Variants in FRRS1 observed in about 807,000 individuals in gnomAD.
FRRS1 encodes the protein ferric chelate reductase 1.
In FRRS1, 51 loss-of-function variants were observed where a neutral mutation model predicts 70.7. The observed-to-expected ratio is 0.72, with a 90% CI of 0.58 to 0.91. The LOEUF is 0.91. FRRS1 is among the 40% of genes least tolerant of loss of function. FRRS1 has a pLI of 0.00. For missense variants in FRRS1, 672 were observed against 726.0 expected (o/e 0.93, Z 0.86); for synonymous variants, 225 against 238.7 (o/e 0.94, Z 0.53).
intron 1 of FRRS1, among the ~76,000 whole-genome samples, chr1:99,760,172 G>A (rs1439238690): frequency 6.6e-6 from 1 of 152,242 alleles, no homozygotes; most frequent in Non-Finnish European, 1.5e-5. Flanking sequence ...ACAGCAAGTT[G>A]TCAGTAAGTG....
chr1:99,719,407 CAAAAAAAAAAA>C, intron 10 of FRRS1, 116 bp downstream of exon 10: 2 of 388,432 alleles, frequency 5.1e-6, no homozygotes, highest in Non-Finnish European at 8.7e-6. Context: ...GACTCCATCT[CAAAAAAAAAAA>C]AAAAAAAAAT....
intron 3 of FRRS1, 180 bp downstream of exon 3, chr1:99,748,393 G>A (rs1571146148): frequency 3.9e-6 from 2 of 519,406 alleles, no homozygotes; most frequent in Non-Finnish European, 6.7e-6. Flanking sequence ...TGTTCTGGAT[G>A]GGGAATACAC....
intron 1 of FRRS1, among the ~76,000 whole-genome samples, chr1:99,757,727 C>T (rs987734850): frequency 5.9e-5 from 9 of 151,964 alleles, no homozygotes; most frequent in Admixed American, 2.6e-4. Context: ...ATATTGTTTT[C>T]ATTTTATTTT....
In FRRS1 at chr1:99,707,553, G is replaced by T. The variant is rs1039802210; in HGVS notation, c.*1475C>A. The stretch of plus-strand genomic sequence containing the variant: ...AAACAAATAAACTGGAAAATAAACA[G>T]CGGTTACTAATTTAAGGTTTTAACC... On this transcript the variant is annotated 3_prime_UTR_variant, in exon 17 of 17. Coordinates refer to ENST00000646001, the MANE Select transcript of FRRS1 (RefSeq NM_001361041.2). Among the ~76,000 whole-genome samples, 5 of 152,106 alleles carry T rather than the reference G, an allele frequency of 3.3e-5. No individual in the cohort carries two copies. The highest frequency in any genetic ancestry group is 6.5e-5 in the Admixed American group (1 of 15,268).
chr1:99,757,745 G>T (rs1376436883), intron 1 of FRRS1, among the ~76,000 whole-genome samples: 2 of 151,942 alleles, frequency 1.3e-5, no homozygotes, highest in Non-Finnish European at 2.9e-5. Context: ...TTTATTATGA[G>T]AATTACAATG....
intron 1 of FRRS1, among the ~76,000 whole-genome samples, chr1:99,757,125 T>G (rs942185354): frequency 8.5e-5 from 13 of 152,058 alleles, no homozygotes; most frequent in Non-Finnish European, 1.5e-5. Flanking sequence ...TTTCGTTTAC[T>G]ACATCCAAAG....
At chr1:99,712,083 A>G in intron 14 of FRRS1, 22 bp downstream of exon 14, 4 of 1,533,468 alleles carry the variant, frequency 2.6e-6, no homozygotes, top group Non-Finnish European at 2.7e-6. Flanking sequence ...ATATATGAAT[A>G]AGTGGCATCA....
rs1487066126 is a variant in FRRS1 at position 99,705,655 on chromosome 1, A to C, written c.*3373T>G. ...ACACATTAGAGACAAAATCCTTGAC[A>C]AAAATAAAGTACTAAAGTGAATTTG... On this transcript the variant is annotated 3_prime_UTR_variant, in exon 17 of 17. Coordinates refer to ENST00000646001, the MANE Select transcript of FRRS1 (RefSeq NM_001361041.2). 6.6e-6 allele frequency among the ~76,000 whole-genome samples: 1 copy of C among 152,212 alleles called. No homozygotes were observed. Among genetic ancestry groups the C allele is most frequent in the Non-Finnish European group, 1.5e-5 (1 of 68,032 alleles).
intron 1 of FRRS1, among the ~76,000 whole-genome samples, chr1:99,763,838 A>G (rs1197558670): frequency 6.7e-6 from 1 of 150,102 alleles, no homozygotes; most frequent in East Asian, 2.0e-4. Flanking sequence ...ATTGCACTCC[A>G]GCCTGGGCAA....
At chr1:99,745,323 T>G (rs919195002) in intron 4 of FRRS1, among the ~76,000 whole-genome samples, 2 of 152,326 alleles carry the variant, frequency 1.3e-5, no homozygotes, top group East Asian at 3.9e-4. Flanking sequence ...AATCTTTGTC[T>G]GGATTGGCTC....
rs900994643 is a variant in FRRS1 at position 99,704,934 on chromosome 1, T to C, written c.*4094A>G. Reference sequence around the variant, plus strand: ...GAGCTACTTCTACTCAGTAAAACCTTGCACTCGTTCTTCAAGCCCAGGTGT... The same window carrying C: ...GAGCTACTTCTACTCAGTAAAACCTCGCACTCGTTCTTCAAGCCCAGGTGT... On this transcript the variant is annotated 3_prime_UTR_variant, in exon 17 of 17. Transcript: ENST00000646001. Among the ~76,000 whole-genome samples the C allele has an allele frequency of 1.3e-5, 2 of 152,112 alleles. No individual in the cohort carries two copies. Among genetic ancestry groups the C allele is most frequent in the Non-Finnish European group, 2.9e-5 (2 of 68,004 alleles).
At chr1:99,747,006 A>G (rs375631815) in intron 4 of FRRS1, among the ~76,000 whole-genome samples, 1 of 152,182 alleles carries the variant, frequency 6.6e-6, no homozygotes, top group African/African-American at 2.4e-5. Flanking sequence ...CCTTTATGAT[A>G]ATCCACTTCT....
chr1:99,737,862 C>G (rs376820027), intron 7 of FRRS1, among the ~76,000 whole-genome samples: 8 of 152,122 alleles, frequency 5.3e-5, no homozygotes, highest in South Asian at 2.1e-4. Context: ...CCTGCCTCAG[C>G]CTCCCGTGCA....
At chr1:99,723,637 C>A (rs1654942786) in intron 9 of FRRS1, among the ~76,000 whole-genome samples, 1 of 152,162 alleles carries the variant, frequency 6.6e-6, no homozygotes, top group Non-Finnish European at 1.5e-5. Context: ...TCAAAACTCA[C>A]AAACCTATTA....
chr1:99,730,791 C>T (rs1013751178), intron 7 of FRRS1, among the ~76,000 whole-genome samples: 4 of 147,236 alleles, frequency 2.7e-5, no homozygotes, highest in Non-Finnish European at 1.5e-5. Context: ...GGCGTGAACC[C>T]GGGAGGTGGA....
chr1:99,711,510 A>G (rs1654270282), intron 14 of FRRS1: 1 of 152,918 alleles, frequency 6.5e-6, no homozygotes, highest in Admixed American at 6.5e-5. Flanking sequence ...AGATGCACCC[A>G]CATTTTCCAG....
At chr1:99,709,375 C>T (rs529191169) in intron 15 of FRRS1, 116 bp from the exon 16 acceptor site, 2 of 678,626 alleles carry the variant, frequency 2.9e-6, no homozygotes, top group South Asian at 3.7e-5. Context: ...AATTCTCCCA[C>T]TCCAAACTAC....
chr1:99,714,443 A>G (rs1185484502), intron 12 of FRRS1, among the ~76,000 whole-genome samples: 1 of 152,116 alleles, frequency 6.6e-6, no homozygotes. Context: ...TGGCCTCCCA[A>G]AGTGCTGGGA....
In FRRS1 at chr1:99,728,523, T is replaced by G. The variant is rs1417261179; in HGVS notation, c.976A>C (p.Ile326Leu). ...NRFDLNTSYY[I>L]FLADGAANDG... Reference sequence around the variant, plus strand: ...TTAGCTGCACCATCTGCTAGAAATATGTAATAGCTTGTGTTTAGATCAAAT... The same window carrying G: ...TTAGCTGCACCATCTGCTAGAAATAGGTAATAGCTTGTGTTTAGATCAAAT... Residue 326 changes from isoleucine (I) to leucine (L), a missense_variant, in exon 9 of 17, where the codon ATA (isoleucine) becomes CTA (leucine). Transcript: ENST00000646001. 6.2e-6 allele frequency: 10 copies of G among 1,612,438 alleles called. No individual in the cohort carries two copies. The highest frequency in any genetic ancestry group is 8.5e-6 in the Non-Finnish European group (10 of 1,178,604).
Sources: gnomAD v4.1 joint callset for allele counts (sites outside exome capture counted in the v4.1 genomes callset) on GRCh38, gnomAD v4.1.1 for gene constraint, MANE v1.5 for transcripts, NCBI Gene and HGNC (gene_info 2026-07-23, HGNC 2026-07-21) for gene names.